Variants in DLGAP2 observed in about 807,000 individuals in gnomAD.
DLGAP2 encodes the protein disks large-associated protein 2.
Under a neutral mutation model 100.3 loss-of-function variants are expected in DLGAP2, and 26 were observed. That is an observed-to-expected ratio of 0.26 (90% CI 0.19 to 0.36). The LOEUF (loss-of-function observed/expected upper bound fraction) is 0.36, where lower values mean the gene tolerates loss of function less well. Among genes scored for constraint, DLGAP2 ranks in the 10% least tolerant of loss-of-function variants. The pLI, the probability that DLGAP2 is intolerant of heterozygous loss-of-function variation, is 1.00. For synonymous variants in DLGAP2, 886 were observed against 630.1 expected (o/e 1.41, Z -6.08); for missense variants, 1,858 against 1,453.2 (o/e 1.28, Z -4.53).
intron 1 of DLGAP2, among the ~76,000 whole-genome samples, chr8:810,869 G>A (rs772736016): frequency 8.5e-5 from 13 of 152,160 alleles, no homozygotes; most frequent in South Asian, 2.1e-4. Context: ...GTGTTTACAC[G>A]GAATTGCAAA....
In DLGAP2 at chr8:1,701,907, C is replaced by G. The variant is rs900580822; in HGVS notation, c.*501C>G. On this transcript the variant is annotated 3_prime_UTR_variant, in exon 15 of 15. Transcript: ENST00000637795. ...GGCCCATTCCCCTCGCACAGCCGAG[C>G]TTTTACTCCCTGAGCACGGGCCGCT... 1 of 153,174 alleles carries G rather than the reference C, an allele frequency of 6.5e-6. No individual in the cohort carries two copies. Among genetic ancestry groups the G allele is most frequent in the African/African-American group, 2.4e-5 (1 of 41,452 alleles). 9.5% of individuals were successfully genotyped at this position (153,174 alleles called of 1,614,324 possible).
At chr8:845,182 A>G (rs779352708) in intron 1 of DLGAP2, among the ~76,000 whole-genome samples, 8 of 152,202 alleles carry the variant, frequency 5.3e-5, no homozygotes, top group Non-Finnish European at 1.0e-4. Flanking sequence ...GTATATACCT[A>G]GGAGTGGAAT....
intron 2 of DLGAP2, among the ~76,000 whole-genome samples, chr8:1,174,194 A>G (rs1423720459): frequency 1.3e-5 from 2 of 152,162 alleles, no homozygotes; most frequent in African/African-American, 4.8e-5. Flanking sequence ...CCAGGATTCT[A>G]AGGAAGAAGG....
intron 2 of DLGAP2, among the ~76,000 whole-genome samples, chr8:1,232,514 C>T (rs749824607): frequency 6.6e-6 from 1 of 152,218 alleles, no homozygotes; most frequent in Non-Finnish European, 1.5e-5. Flanking sequence ...CTCCTTTCCT[C>T]TTGCATCACT....
At chr8:1,217,886 T>A (rs184215075) in intron 2 of DLGAP2, among the ~76,000 whole-genome samples, 1 of 152,202 alleles carries the variant, frequency 6.6e-6, no homozygotes, top group South Asian at 2.1e-4. Flanking sequence ...AATATGCTTG[T>A]TGCTTGCATG....
chr8:874,016 TC>T (rs1435797616), intron 1 of DLGAP2, among the ~76,000 whole-genome samples: 3 of 152,106 alleles, frequency 2.0e-5, no homozygotes, highest in Non-Finnish European at 4.4e-5. Flanking sequence ...TTCATAGTGT[TC>T]CTGTACAATC....
intron 3 of DLGAP2, among the ~76,000 whole-genome samples, chr8:1,264,475 A>T (rs760574736): frequency 2.0e-5 from 3 of 152,172 alleles, no homozygotes; most frequent in African/African-American, 7.2e-5. Context: ...AAAGTTACCA[A>T]TGAGAAATGC....
chr8:1,483,062 G>T (rs1799141563), intron 3 of DLGAP2, among the ~76,000 whole-genome samples: 1 of 152,160 alleles, frequency 6.6e-6, no homozygotes, highest in Admixed American at 6.5e-5. Context: ...GGCGCGCGCG[G>T]CCGGAGAGGC....
At chr8:1,210,896 A>G (rs774722058) in intron 2 of DLGAP2, among the ~76,000 whole-genome samples, 5 of 152,114 alleles carry the variant, frequency 3.3e-5, no homozygotes, top group Admixed American at 1.3e-4. Flanking sequence ...CTGGGCAGCA[A>G]TGTCCCTCCC....
In DLGAP2 at chr8:1,678,582, G is replaced by A. The variant is rs774848758; in HGVS notation, c.2657G>A (p.Cys886Tyr). ...HAETKRMEGW[C>Y]KEMEREAEEN... ...GAGACAAAGAGGATGGAAGGCTGGT[G>A]CAAAGAGATGGAGAGAGAGGCGGAG... The change falls in exon 12 of 15, where the codon TGC becomes TAC. Residue 886 changes from cysteine to tyrosine, a missense_variant. Transcript: ENST00000637795. The A allele has an allele frequency of 6.3e-7, 1 of 1,579,948 alleles. No individual in the cohort carries two copies. The highest frequency in any genetic ancestry group is 8.6e-7 in the Non-Finnish European group (1 of 1,163,362).
intron 2 of DLGAP2, among the ~76,000 whole-genome samples, chr8:1,219,996 T>C (rs1798285724): frequency 6.6e-6 from 1 of 152,144 alleles, no homozygotes; most frequent in South Asian, 2.1e-4. Context: ...ATTTGGATCT[T>C]CTCTCTGTTT....
chr8:1,578,545 C>T (rs1259122538), intron 6 of DLGAP2, among the ~76,000 whole-genome samples: 4 of 152,130 alleles, frequency 2.6e-5, no homozygotes, highest in Non-Finnish European at 4.4e-5. Context: ...CAGAGCACTC[C>T]TGCAAAGACT....
intron 2 of DLGAP2, among the ~76,000 whole-genome samples, chr8:1,149,148 CTT>C (rs34944345): frequency 6.7e-6 from 1 of 150,186 alleles, no homozygotes; most frequent in Admixed American, 6.6e-5. Flanking sequence ...GAATTACCCT[CTT>C]TTTTTTTTGG....
At chr8:829,629 CAAACTATGT>C (rs1214621571) in intron 1 of DLGAP2, among the ~76,000 whole-genome samples, 5 of 152,044 alleles carry the variant, frequency 3.3e-5, no homozygotes, top group African/African-American at 9.7e-5. Context: ...TTTCTTTTTT[CAAACTATGT>C]AAGCCATATG....
chr8:927,168 G>T, intron 2 of DLGAP2: 1 of 985,454 alleles, frequency 1.0e-6, no homozygotes, highest in Non-Finnish European at 1.2e-6. Context: ...TGATGTGTCA[G>T]ATGGGGAGTG....
At chr8:1,602,633 C>G (rs1384195692) in intron 6 of DLGAP2, among the ~76,000 whole-genome samples, 1 of 152,230 alleles carries the variant, frequency 6.6e-6, no homozygotes, top group Non-Finnish European at 1.5e-5. Flanking sequence ...GGCTGACCCT[C>G]TACCAGCTCA....
chr8:1,416,449 C>T (rs567494352), intron 3 of DLGAP2, among the ~76,000 whole-genome samples: 39 of 152,336 alleles, frequency 2.6e-4, no homozygotes, highest in African/African-American at 8.7e-4. Flanking sequence ...GTCTGATCCT[C>T]AGAACAGTCC....
At chr8:1,515,716 A>G (rs1439541651) in intron 4 of DLGAP2, among the ~76,000 whole-genome samples, 1 of 152,188 alleles carries the variant, frequency 6.6e-6, no homozygotes, top group East Asian at 1.9e-4. Context: ...ACACAAACAC[A>G]TGCACAGATA....
In DLGAP2 at chr8:931,137, G is replaced by A. The variant is rs959519163; in HGVS notation, c.73+23171G>A. 1.1e-4 allele frequency among the ~76,000 whole-genome samples: 16 copies of A among 152,224 alleles called. No individual in the cohort carries two copies. The East Asian group carries it at 1.7e-3, about 17-fold the overall frequency. ...GGTAGGAGGTATGTGTGAGAAAGCCGTCAGCTGAAGTCCAGGCACTGAGGC... is the reference window on the plus strand; with the variant it reads ...GGTAGGAGGTATGTGTGAGAAAGCCATCAGCTGAAGTCCAGGCACTGAGGC... On this transcript the variant is annotated intron_variant, in intron 2 of 14. Coordinates refer to ENST00000637795, the MANE Select transcript of DLGAP2 (RefSeq NM_001346810.2).
Sources: gnomAD v4.1 joint callset for allele counts (sites outside exome capture counted in the v4.1 genomes callset) on GRCh38, gnomAD v4.1.1 for gene constraint, MANE v1.5 for transcripts, NCBI Gene and HGNC (gene_info 2026-07-23, HGNC 2026-07-21) for gene names.